ERGIC2: variants seen among roughly 807,000 people sequenced by gnomAD.
ERGIC2 encodes the protein ERGIC and golgi 2.
In ERGIC2, 31 loss-of-function variants were observed where a neutral mutation model predicts 52.5. The observed-to-expected ratio is 0.59, with a 90% CI of 0.44 to 0.80. ERGIC2 has a LOEUF of 0.80. Ranked by LOEUF, ERGIC2 falls within the 30% of genes least tolerant of loss-of-function variation. The pLI is 0.00. For missense variants in ERGIC2, 395 were observed against 455.2 expected (o/e 0.87, Z 1.20); for synonymous variants, 129 against 140.6 (o/e 0.92, Z 0.58).
In ERGIC2 at chr12:29,373,262, CCAAT is replaced by C. The variant is rs553353094; in HGVS notation, c.-37-1596_-37-1593del. On this transcript the variant is annotated intron_variant, in intron 1 of 13. Coordinates refer to ENST00000360150, the MANE Select transcript of ERGIC2 (RefSeq NM_016570.3). ...ATCTACATCTAAAAATGTTATAAAG[CCAAT>C]CAAATAACTGAATTCTTAGATATTT... 9.1e-3 allele frequency among the ~76,000 whole-genome samples: 1,386 copies of C among 152,078 alleles called. 6 individuals carry two copies. The highest frequency in any genetic ancestry group is 0.016 in the South Asian group (79 of 4,808).
At chr12:29,365,214 A>C (rs1443734730) in intron 5 of ERGIC2, among the ~76,000 whole-genome samples, 2 of 152,170 alleles carry the variant, frequency 1.3e-5, no homozygotes, top group African/African-American at 2.4e-5. Flanking sequence ...CTAGGTACTC[A>C]TCAGTGGTAC....
At chr12:29,359,567 A>T (rs1013925460) in intron 6 of ERGIC2, among the ~76,000 whole-genome samples, 2 of 152,060 alleles carry the variant, frequency 1.3e-5, no homozygotes, top group Admixed American at 6.6e-5. Flanking sequence ...GCATTGAAAA[A>T]AATTCTAAAT....
At chr12:29,370,630 T>C (rs1180608519) in intron 2 of ERGIC2, among the ~76,000 whole-genome samples, 1 of 151,932 alleles carries the variant, frequency 6.6e-6, no homozygotes, top group Non-Finnish European at 1.5e-5. Context: ...TGCATCCATG[T>C]CTATAAATAT....
At chr12:29,359,988 A>G (rs1591993951) in intron 6 of ERGIC2, among the ~76,000 whole-genome samples, 1 of 151,812 alleles carries the variant, frequency 6.6e-6, no homozygotes, top group East Asian at 1.9e-4. Context: ...AAATACAAAT[A>G]AGGAAAAAAA....
chr12:29,363,835 GAA>G (rs71042988), intron 5 of ERGIC2, among the ~76,000 whole-genome samples: 82 of 129,534 alleles, frequency 6.3e-4, no homozygotes, highest in African/African-American at 9.1e-4. Context: ...TCATAAATGT[GAA>G]AAAAAAAAAA....
At position 29,361,700 on chromosome 12, in the gene ERGIC2, A is replaced by T; in HGVS notation, c.334-15T>A. On this transcript the variant is annotated splice_polypyrimidine_tract_variant and intron_variant, in intron 5 of 13. Transcript: ENST00000360150. ...TCAAATACTGTCTGAAATGAAAGAA[A>T]ACATAATCACTAGCATTGTCAAATT... The T allele has an allele frequency of 6.3e-7, 1 of 1,596,880 alleles. No individual in the cohort carries two copies. The highest frequency in any genetic ancestry group is 1.3e-5 in the African/African-American group (1 of 74,600).
At chr12:29,373,752 C>T (rs1408967632) in intron 1 of ERGIC2, among the ~76,000 whole-genome samples, 1 of 152,042 alleles carries the variant, frequency 6.6e-6, no homozygotes, top group African/African-American at 2.4e-5. Context: ...ATTTTTTTCC[C>T]ATGCACTTAG....
intron 7 of ERGIC2, 37 bp from the exon 8 acceptor site, chr12:29,356,514 A>G (rs1940207881): frequency 1.7e-6 from 2 of 1,156,782 alleles, no homozygotes; most frequent in Non-Finnish European, 1.3e-6. Context: ...AGCACATTCA[A>G]TACAGTTACC....
rs1565532966 is a variant in ERGIC2, at chr12:29,338,034, C to T, written c.*3122G>A. Reference sequence around the variant, plus strand: ...TAAAAATATAAAAAAATTAGCTGGGCTTGGTGGTACGCACCTGTAGTCCCA... The same window carrying T: ...TAAAAATATAAAAAAATTAGCTGGGTTTGGTGGTACGCACCTGTAGTCCCA... On this transcript the variant is annotated 3_prime_UTR_variant, in exon 14 of 14. Coordinates refer to ENST00000360150, the MANE Select transcript of ERGIC2 (RefSeq NM_016570.3). The T allele has an allele frequency of 6.6e-6, 1 of 152,098 alleles. No homozygotes were observed. The highest frequency in any genetic ancestry group is 2.4e-5 in the African/African-American group (1 of 41,354). The allele number at this position is 152,098 out of a possible 1,614,324, so 9.4% of individuals were successfully genotyped here.
intron 1 of ERGIC2, 126 bp downstream of exon 1, chr12:29,380,989 C>CT (rs1461108215): frequency 5.9e-5 from 9 of 152,434 alleles, no homozygotes; most frequent in Admixed American, 5.9e-4. Context: ...GACCGGCTCT[C>CT]TAGAGATCAA....
chr12:29,341,944 A>G (rs1255845432), intron 12 of ERGIC2, 128 bp from the exon 13 acceptor site: 1 of 528,676 alleles, frequency 1.9e-6, no homozygotes, highest in East Asian at 3.2e-5. Context: ...ATGGTTAAAA[A>G]TAATCAAGAA....
chr12:29,350,768 A>G (rs959032527), intron 8 of ERGIC2, among the ~76,000 whole-genome samples: 5 of 152,102 alleles, frequency 3.3e-5, no homozygotes, highest in African/African-American at 1.2e-4. Context: ...TTCTGGAACT[A>G]TAGTTTGAAA....
chr12:29,367,875 T>C (rs979300624), intron 4 of ERGIC2, among the ~76,000 whole-genome samples: 1 of 151,750 alleles, frequency 6.6e-6, no homozygotes. Flanking sequence ...AGAGTAAACA[T>C]AAAAGGTGGT....
Position 29,374,541 on chromosome 12 carries a change from T to C in ERGIC2, c.-37-2871A>G, listed in dbSNP as rs75661361. 7.2e-5 allele frequency among the ~76,000 whole-genome samples: 11 copies of C among 152,322 alleles called. No homozygotes were observed. The East Asian group carries it at 2.1e-3, about 29-fold the overall frequency. On this transcript the variant is annotated intron_variant, in intron 1 of 13. Coordinates refer to ENST00000360150, the MANE Select transcript of ERGIC2 (RefSeq NM_016570.3). ...GATATGTATAACCCCTTGCCTTCTG[T>C]TACCTTTTCATTTGGACATTCCAAA...
intron 1 of ERGIC2, among the ~76,000 whole-genome samples, chr12:29,375,875 C>T (rs532690607): frequency 8.5e-5 from 13 of 152,272 alleles, no homozygotes; most frequent in Admixed American, 5.2e-4. Flanking sequence ...ACTAACCTAC[C>T]TCCAAGAAAT....
chr12:29,368,399 C>A, intron 3 of ERGIC2, 112 bp from the exon 4 acceptor site: 1 of 594,016 alleles, frequency 1.7e-6, no homozygotes, highest in South Asian at 2.2e-5. Flanking sequence ...TAAATTATGT[C>A]GATTAGAACT....
chr12:29,364,197 C>G (rs184277068), intron 5 of ERGIC2, among the ~76,000 whole-genome samples: 2 of 152,198 alleles, frequency 1.3e-5, no homozygotes, highest in East Asian at 3.9e-4. Context: ...GCAGAAGATA[C>G]AGGCAGTCAT....
Position 29,339,610 on chromosome 12 carries a change from G to A in ERGIC2, c.*1546C>T, listed in dbSNP as rs568004226. ...ATATCACTTATTTTCATCAGTTAAC[G>A]TCATGGCTCTTAATGATATATTTTT... On this transcript the variant is annotated 3_prime_UTR_variant, in exon 14 of 14. Coordinates refer to ENST00000360150, the MANE Select transcript of ERGIC2 (RefSeq NM_016570.3). The A allele has an allele frequency of 2.6e-5, 4 of 152,040 alleles. No homozygotes were observed. Among genetic ancestry groups the A allele is most frequent in the South Asian group, 2.1e-4 (1 of 4,830 alleles). The allele number at this position is 152,040 out of a possible 1,614,324, so 9.4% of individuals were successfully genotyped here.
At chr12:29,358,536 A>T (rs527769724) in intron 6 of ERGIC2, among the ~76,000 whole-genome samples, 114 of 152,284 alleles carry the variant, frequency 7.5e-4, no homozygotes, top group African/African-American at 2.7e-3. Flanking sequence ...AACTATGGTG[A>T]TGATGATGTG....
Sources: gnomAD v4.1 joint callset for allele counts (sites outside exome capture counted in the v4.1 genomes callset) on GRCh38, gnomAD v4.1.1 for gene constraint, MANE v1.5 for transcripts, NCBI Gene and HGNC (gene_info 2026-07-23, HGNC 2026-07-21) for gene names.